EDARADD: variants seen among roughly 807,000 people sequenced by gnomAD.
The protein encoded by EDARADD is ectodysplasin-A receptor-associated adapter protein.
Under a neutral mutation model 25.6 loss-of-function variants are expected in EDARADD, and 20 were observed. The observed-to-expected ratio is 0.78, with a 90% confidence interval of 0.55 to 1.14. The LOEUF is 1.14. EDARADD is among the 50% of genes most tolerant of loss of function. The pLI is 0.00. For missense variants in EDARADD, 225 were observed against 270.1 expected (o/e 0.83, Z 1.17); for synonymous variants, 86 against 94.4 (o/e 0.91, Z 0.52).
intron 4 of EDARADD, among the ~76,000 whole-genome samples, chr1:236,428,811 C>T (rs1298851380): frequency 2.0e-5 from 3 of 151,788 alleles, no homozygotes; most frequent in Non-Finnish European, 2.9e-5. Context: ...TTGTAGCGAG[C>T]GGAGATCACG....
chr1:236,367,929 C>CGAG (rs36073845), intron 3 of EDARADD, among the ~76,000 whole-genome samples: 51,887 of 151,156 alleles, frequency 0.34, 9,093 homozygotes, highest in African/African-American at 0.42. Flanking sequence ...GGCAACACAG[C>CGAG]GAGACCTAGT....
intron 4 of EDARADD, among the ~76,000 whole-genome samples, chr1:236,467,060 C>T (rs1163500763): frequency 4.1e-5 from 6 of 146,358 alleles, no homozygotes; most frequent in Admixed American, 2.0e-4. Flanking sequence ...AGCAAGACTC[C>T]GTCTCAAAAA....
rs1667498880 is a variant in EDARADD, at chr1:236,395,499, G to A, written c.61+994G>A. The A allele has an allele frequency of 6.6e-7, 1 of 1,524,218 alleles. No individual in the cohort carries two copies. 94.4% of individuals were successfully genotyped at this position (1,524,218 alleles called of 1,614,324 possible). A position where few individuals can be genotyped will look rare whatever the true frequency, so the allele number is the denominator to read the frequency against. On this transcript the variant is annotated intron_variant, in intron 1 of 5. Coordinates refer to ENST00000334232, the MANE Select transcript of EDARADD (RefSeq NM_145861.4). The surrounding 1 kb of genome is among the most constrained non-coding windows in gnomAD (Gnocchi z 6.9). ...GGGGAAGGCGGAGGAGGGCAGGGGCGCGCAGAGCCACGGTTTGCTCCAGGC... is the reference window on the plus strand; with the variant it reads ...GGGGAAGGCGGAGGAGGGCAGGGGCACGCAGAGCCACGGTTTGCTCCAGGC...
chr1:236,419,568 G>A (rs907926731), intron 3 of EDARADD, among the ~76,000 whole-genome samples: 8 of 152,182 alleles, frequency 5.3e-5, no homozygotes, highest in Non-Finnish European at 1.2e-4. Flanking sequence ...GCATCAGAAT[G>A]TGGGGATGCT....
intron 5 of EDARADD, among the ~76,000 whole-genome samples, chr1:236,471,577 T>G (rs1659362505): frequency 6.6e-6 from 1 of 152,128 alleles, no homozygotes; most frequent in South Asian, 2.1e-4. Flanking sequence ...AATCTGACCA[T>G]GTATAACCAC....
chr1:236,379,533 C>G (rs752917174), intron 3 of EDARADD, among the ~76,000 whole-genome samples: 5 of 152,004 alleles, frequency 3.3e-5, no homozygotes, highest in Non-Finnish European at 7.4e-5. Flanking sequence ...AATCCCAGCA[C>G]TTTGGGAGGC....
Position 236,398,978 on chromosome 1 carries a change from G to T in EDARADD, c.61+4473G>T, listed in dbSNP as rs1007708264. On this transcript the variant is annotated intron_variant, in intron 1 of 5. Transcript: ENST00000334232. The surrounding 1 kb of genome is among the most constrained non-coding windows in gnomAD (Gnocchi z 4.1). ...ATACCACCTCAGTGAATGAAGGAAG[G>T]TTATAAAATTTAACCACAGGCTCTT... Among the ~76,000 whole-genome samples, 4 of 152,156 alleles carry T rather than the reference G, an allele frequency of 2.6e-5. No individual in the cohort carries two copies. The highest frequency in any genetic ancestry group is 1.9e-4 in the East Asian group (1 of 5,196).
In EDARADD at chr1:236,355,496, T is replaced by G. The variant is rs190697642; in HGVS notation, c.-6+4657T>G. Among the ~76,000 whole-genome samples, 819 of 126,318 alleles carry G rather than the reference T, an allele frequency of 6.5e-3. 9 individuals are homozygous for G. Among genetic ancestry groups the G allele is most frequent in the African/African-American group, 0.022 (767 of 35,448 alleles). The allele number at this position is 126,318 out of a possible 152,430, so 82.9% of individuals were successfully genotyped here. On this transcript the variant is annotated intron_variant, in intron 3 of 7. Coordinates refer to the EDARADD transcript ENST00000439430. ...CATCCACTCATTCTCTTCTGCTTCT[T>G]CTTCTTTTTTTTTTTTTTTTTTTTT...
At chr1:236,453,163 A>G (rs984993683) in intron 4 of EDARADD, among the ~76,000 whole-genome samples, 1 of 152,120 alleles carries the variant, frequency 6.6e-6, no homozygotes, top group Non-Finnish European at 1.5e-5. Flanking sequence ...AAAAGAAATG[A>G]TGCTGTTTTA....
chr1:236,350,702 A>G lies in EDARADD; in HGVS notation c.-141-2A>G, dbSNP rs650692. 0.34 allele frequency: 51,864 copies of G among 152,050 alleles called. 9,181 individuals are homozygous for G. Among genetic ancestry groups the G allele is most frequent in the African/African-American group, 0.43 (17,988 of 41,458 alleles). 9.4% of individuals were successfully genotyped at this position (152,050 alleles called of 1,614,324 possible). A position where few individuals can be genotyped will look rare whatever the true frequency, so the allele number is the denominator to read the frequency against. On this transcript the variant is annotated splice_acceptor_variant, in intron 2 of 7. Transcript: ENST00000439430. LOFTEE classifies it low-confidence loss of function (5UTR_SPLICE). Reference sequence around the variant, plus strand: ...CCTTTCAAAGTTATTTTCCTCCTACAGCTTTGAGAGAAGAAAAATAGCTCC... The same window carrying G: ...CCTTTCAAAGTTATTTTCCTCCTACGGCTTTGAGAGAAGAAAAATAGCTCC...
intron 1 of EDARADD, among the ~76,000 whole-genome samples, chr1:236,396,997 G>A (rs78133413): frequency 0.016 from 2,354 of 151,094 alleles, 18 homozygotes; most frequent in Non-Finnish European, 0.025. Context: ...AATTCAAAAA[G>A]ATCTTGAGAG....
At chr1:236,377,321 A>G (rs1667235622) in intron 3 of EDARADD, among the ~76,000 whole-genome samples, 1 of 149,786 alleles carries the variant, frequency 6.7e-6, no homozygotes, top group African/African-American at 2.4e-5. Context: ...ACACCCAGCT[A>G]ATTTTTATAT....
chr1:236,379,303 G>A (rs547158449), intron 3 of EDARADD, among the ~76,000 whole-genome samples: 1 of 152,052 alleles, frequency 6.6e-6, no homozygotes, highest in African/African-American at 2.4e-5. Flanking sequence ...CTGGGAGGCG[G>A]AGGTTGCAGT....
chr1:236,444,780 A>T lies in EDARADD; in HGVS notation c.219+17330A>T, dbSNP rs143121892. 1.4e-3 allele frequency among the ~76,000 whole-genome samples: 211 copies of T among 152,312 alleles called. 3 individuals are homozygous for T. The East Asian group carries it at 0.035, about 25-fold the overall frequency. On this transcript the variant is annotated intron_variant, in intron 4 of 5. Coordinates refer to ENST00000334232, the MANE Select transcript of EDARADD (RefSeq NM_145861.4). ...CACTGCACAATTACCTGATATGGGC[A>T]GTGCACTCTAAGCTGAATTTTTGCA...
chr1:236,466,317 G>C (rs1437501629), intron 4 of EDARADD, among the ~76,000 whole-genome samples: 1 of 152,048 alleles, frequency 6.6e-6, no homozygotes, highest in Non-Finnish European at 1.5e-5. Flanking sequence ...GGTTAGCCTT[G>C]AAAAAAGCTA....
chr1:236,399,243 G>A (rs1463319436), intron 1 of EDARADD, among the ~76,000 whole-genome samples: 1 of 152,114 alleles, frequency 6.6e-6, no homozygotes, highest in Middle Eastern at 3.2e-3. Context: ...GTGCAATGAT[G>A]CGATCTTGGC....
At chr1:236,399,346 T>A (rs1288804213) in intron 1 of EDARADD, among the ~76,000 whole-genome samples, 1 of 152,104 alleles carries the variant, frequency 6.6e-6, no homozygotes, top group African/African-American at 2.4e-5. Context: ...CACCCCTGGC[T>A]AATTTTTGTA....
chr1:236,405,773 CTTTCTTTCTTTCTTTCTTTTCTT>C (rs1558112403), intron 1 of EDARADD, among the ~76,000 whole-genome samples: 4 of 66,032 alleles, frequency 6.1e-5, no homozygotes, highest in Non-Finnish European at 1.2e-4. Flanking sequence ...TTCTTTCTTT[CTTTCTTTCTTTCTTTCTTTTCTT>C]TTTCTTTCTT....
chr1:236,371,446 T>C (rs1667171042), intron 3 of EDARADD, among the ~76,000 whole-genome samples: 1 of 152,180 alleles, frequency 6.6e-6, no homozygotes, highest in Non-Finnish European at 1.5e-5. Context: ...TGCCTTAGCT[T>C]GGACTTCCAG....
Sources: gnomAD v4.1 joint callset for allele counts (sites outside exome capture counted in the v4.1 genomes callset) on GRCh38, gnomAD v4.1.1 for gene constraint, Gnocchi (gnomAD v3.1) non-coding constraint, MANE v1.5 for transcripts, NCBI Gene and HGNC (gene_info 2026-07-23, HGNC 2026-07-21) for gene names.